The following CTIF variants were observed in gnomAD, a reference collection of about 807,000 sequenced individuals.
The protein encoded by CTIF is cap binding complex dependent translation initiation factor.
A neutral mutation model predicts 66.0 loss-of-function variants in CTIF; 21 were observed. That is an observed-to-expected ratio of 0.32 (90% CI 0.23 to 0.46). The LOEUF (loss-of-function observed/expected upper bound fraction) is 0.46. CTIF is among the 20% of genes least tolerant of loss of function. The pLI, the probability that CTIF is intolerant of heterozygous loss-of-function variation, is 1.00. For synonymous variants in CTIF, 345 were observed against 326.4 expected (o/e 1.06, Z -0.62); for missense variants, 739 against 812.7 (o/e 0.91, Z 1.10).
intron 9 of CTIF, among the ~76,000 whole-genome samples, chr18:48,762,535 GA>G (rs1470306941): frequency 6.6e-6 from 1 of 152,196 alleles, no homozygotes; most frequent in East Asian, 1.9e-4. Flanking sequence ...TTGGCTGGGG[GA>G]GAGCCATGTC....
At chr18:48,678,144 A>T (rs2091667430) in intron 6 of CTIF, among the ~76,000 whole-genome samples, 1 of 152,236 alleles carries the variant, frequency 6.6e-6, no homozygotes, top group Non-Finnish European at 1.5e-5. Context: ...AGTCACGTAC[A>T]GCAAGTTAGG....
intron 9 of CTIF, among the ~76,000 whole-genome samples, chr18:48,788,389 C>T (rs750362881): frequency 7.2e-5 from 11 of 152,136 alleles, no homozygotes; most frequent in Non-Finnish European, 1.3e-4. Context: ...CCTAGGAGAG[C>T]TTTGGGTAAG....
At chr18:48,569,068 GCCT>G (rs1408325743) in intron 1 of CTIF, among the ~76,000 whole-genome samples, 1 of 152,126 alleles carries the variant, frequency 6.6e-6, no homozygotes, top group African/African-American at 2.4e-5. Context: ...CTGTGTCCCA[GCCT>G]CCTCCTCTCA....
At chr18:48,544,767 T>C (rs1355560165) in intron 1 of CTIF, among the ~76,000 whole-genome samples, 2 of 152,200 alleles carry the variant, frequency 1.3e-5, no homozygotes, top group Non-Finnish European at 2.9e-5. Context: ...CCTAAGAGGT[T>C]TACTTGATCA....
intron 6 of CTIF, among the ~76,000 whole-genome samples, chr18:48,677,463 G>T (rs955919531): frequency 6.6e-6 from 1 of 152,236 alleles, no homozygotes; most frequent in Admixed American, 6.5e-5. Context: ...AACAAGGAGC[G>T]TAATGCACCA....
chr18:48,607,504 G>A (rs2090225670), intron 1 of CTIF, among the ~76,000 whole-genome samples: 1 of 152,212 alleles, frequency 6.6e-6, no homozygotes, highest in African/African-American at 2.4e-5. Context: ...ACCTGCTGCT[G>A]ACCATTTTCT....
At chr18:48,846,541 A>ATG (rs1568265733) in intron 10 of CTIF, among the ~76,000 whole-genome samples, 1 of 100,070 alleles carries the variant, frequency 1.0e-5, no homozygotes, top group African/African-American at 3.3e-5. Context: ...ATGGATGGAT[A>ATG]GGTGAATAGA....
At chr18:48,769,285 A>T (rs775927768) in intron 9 of CTIF, among the ~76,000 whole-genome samples, 9 of 152,368 alleles carry the variant, frequency 5.9e-5, no homozygotes, top group South Asian at 2.1e-4. Flanking sequence ...AGCCCTGGCC[A>T]TACCCACATC....
chr18:48,751,088 T>C (rs1040498107), intron 7 of CTIF, among the ~76,000 whole-genome samples: 16 of 152,352 alleles, frequency 1.1e-4, no homozygotes, highest in African/African-American at 3.6e-4. Context: ...CCTGGCTTAC[T>C]GTAACTGCTT....
chr18:48,640,571 C>A (rs2090909047), intron 3 of CTIF, among the ~76,000 whole-genome samples: 1 of 152,234 alleles, frequency 6.6e-6, no homozygotes, highest in Admixed American at 6.5e-5. Context: ...CAGGGAGAAA[C>A]TGAGGCTACA....
At chr18:48,742,227 A>G (rs2092560859) in intron 7 of CTIF, among the ~76,000 whole-genome samples, 1 of 152,162 alleles carries the variant, frequency 6.6e-6, no homozygotes, top group Non-Finnish European at 1.5e-5. Context: ...GAACCAAGAG[A>G]AGATGTGTTG....
chr18:48,828,665 C>G (rs2068630174), intron 10 of CTIF, among the ~76,000 whole-genome samples: 1 of 152,228 alleles, frequency 6.6e-6, no homozygotes, highest in Non-Finnish European at 1.5e-5. Context: ...CAAAACTTTT[C>G]TGCTCAGGAC....
intron 6 of CTIF, among the ~76,000 whole-genome samples, chr18:48,697,885 T>C (rs1372832456): frequency 7.3e-5 from 11 of 151,410 alleles, no homozygotes; most frequent in Non-Finnish European, 1.6e-4. Context: ...CCAGAAATAG[T>C]GATCCTGCCG....
At chr18:48,818,279 G>T (rs2068411480) in intron 10 of CTIF, among the ~76,000 whole-genome samples, 1 of 152,236 alleles carries the variant, frequency 6.6e-6, no homozygotes, top group Non-Finnish European at 1.5e-5. Flanking sequence ...CAGCCTCGGA[G>T]TGAGGGCGAA....
chr18:48,746,325 C>T (rs1488895134), intron 7 of CTIF, among the ~76,000 whole-genome samples: 1 of 152,172 alleles, frequency 6.6e-6, no homozygotes, highest in East Asian at 1.9e-4. Context: ...CACTTTCCCT[C>T]TTGAAAAGTG....
intron 2 of CTIF, among the ~76,000 whole-genome samples, chr18:48,625,827 A>T (rs578173016): frequency 6.6e-6 from 1 of 152,288 alleles, no homozygotes; most frequent in South Asian, 2.1e-4. Context: ...ACTGTTGAAC[A>T]TGCCTCCTTC....
At chr18:48,782,334 A>G (rs889605097) in intron 9 of CTIF, among the ~76,000 whole-genome samples, 3 of 152,058 alleles carry the variant, frequency 2.0e-5, no homozygotes, top group African/African-American at 4.8e-5. Context: ...GGCCTGGAGC[A>G]TAAAGTCCCA....
intron 7 of CTIF, among the ~76,000 whole-genome samples, chr18:48,722,237 C>T (rs1179916797): frequency 8.5e-6 from 1 of 118,120 alleles, no homozygotes; most frequent in African/African-American, 3.4e-5. Context: ...TTTTGTGAGA[C>T]AGGATCTCAC....
chr18:48,635,515 C>G (rs1358356168), intron 2 of CTIF, among the ~76,000 whole-genome samples: 1 of 151,850 alleles, frequency 6.6e-6, no homozygotes, highest in South Asian at 2.1e-4. Flanking sequence ...TTAGTAGGGA[C>G]AAGGTGTCTC....
Sources: allele counts gnomAD v4.1 joint callset (sites outside exome capture counted in the v4.1 genomes callset), GRCh38; gene constraint gnomAD v4.1.1; transcripts MANE v1.5; gene names NCBI Gene and HGNC (gene_info 2026-07-23, HGNC 2026-07-21).